The following PTGFRN variants were observed in gnomAD, a reference collection of about 807,000 sequenced individuals.
PTGFRN encodes the protein prostaglandin F2 receptor negative regulator.
In PTGFRN, 35 loss-of-function variants were observed where a neutral mutation model predicts 83.2. That is an observed-to-expected ratio of 0.42 (90% confidence interval 0.32 to 0.56). PTGFRN has a LOEUF of 0.56. Among genes scored for constraint, PTGFRN ranks in the 20% least tolerant of loss-of-function variants. The pLI, the probability that PTGFRN is intolerant of heterozygous loss-of-function variation, is 0.11. For missense variants in PTGFRN, 1,051 were observed against 1,179.5 expected, an observed-to-expected ratio of 0.89 and a Z score of 1.60; for synonymous variants, 519 against 498.6, an observed-to-expected ratio of 1.04 and a Z score of -0.55.
At chr1:116,979,236 G>A (rs1258031335) in intron 7 of PTGFRN, among the ~76,000 whole-genome samples, 1 of 152,150 alleles carries the variant, frequency 6.6e-6, no homozygotes, top group Non-Finnish European at 1.5e-5. Flanking sequence ...GAAACAAATG[G>A]AAGAACATTC....
chr1:116,961,246 C>T lies in PTGFRN; in HGVS notation c.1217C>T (p.Pro406Leu). The change falls in exon 5 of 9, where the codon CCA (proline) becomes CTA (leucine). Residue 406 changes from proline to leucine, a missense_variant. This residue lies in a region of PTGFRN where 719 missense variants were observed against 836.6 expected (regional missense o/e 0.86). Transcript: ENST00000393203. The surrounding 1 kb of genome is among the most constrained non-coding windows in gnomAD (Gnocchi z 5.4). ...GGCCTTTCTGTCTCTCGTTCAGAACCAGACTACCAGGTGTACCTGAATGCT... is the reference window on the plus strand; with the variant it reads ...GGCCTTTCTGTCTCTCGTTCAGAACTAGACTACCAGGTGTACCTGAATGCT... ...PAGVGVTWLEPDYQVYLNASK... is the reference protein window; with the variant it reads ...PAGVGVTWLELDYQVYLNASK... 6.6e-7 allele frequency: 1 copy of T among 1,505,782 alleles called. No individual in the cohort carries two copies. The highest frequency in any genetic ancestry group is 8.9e-7 in the Non-Finnish European group (1 of 1,128,538). 93.3% of individuals were successfully genotyped at this position (1,505,782 alleles called of 1,614,324 possible).
intron 7 of PTGFRN, among the ~76,000 whole-genome samples, chr1:116,980,105 A>G (rs535673286): frequency 2.0e-5 from 3 of 152,274 alleles, no homozygotes; most frequent in Admixed American, 6.5e-5. Context: ...CAACAGACAC[A>G]TGAAAAAACG....
In PTGFRN at chr1:116,958,142, G is replaced by C. The variant is rs72699122; in HGVS notation, c.1214-3101G>C. ...TGCCACTCTGAAAGAATCTGCACGG[G>C]GGTGGAAGTAAACCATTAAGGATCA... On this transcript the variant is annotated intron_variant, in intron 4 of 8. Coordinates refer to ENST00000393203, the MANE Select transcript of PTGFRN (RefSeq NM_020440.4). The surrounding 1 kb of genome is among the most constrained non-coding windows in gnomAD (Gnocchi z 4.9). Among the ~76,000 whole-genome samples the C allele has an allele frequency of 1.6e-3, 239 of 152,174 alleles. No homozygotes were observed. The highest frequency in any genetic ancestry group is 3.1e-3 in the Admixed American group (47 of 15,278).
At chr1:116,932,884 C>A (rs1296439007) in intron 1 of PTGFRN, among the ~76,000 whole-genome samples, 1 of 152,190 alleles carries the variant, frequency 6.6e-6, no homozygotes, top group African/African-American at 2.4e-5. Context: ...GGGTTTGAGT[C>A]CCTCACGTTA....
chr1:116,911,642 G>T (rs370930812), intron 1 of PTGFRN, among the ~76,000 whole-genome samples: 9 of 152,248 alleles, frequency 5.9e-5, no homozygotes, highest in Admixed American at 1.3e-4. Flanking sequence ...CCTGATCCTA[G>T]TGCTTTATTT....
At chr1:116,960,917 C>G (rs574470647) in intron 4 of PTGFRN, among the ~76,000 whole-genome samples, 118 of 152,234 alleles carry the variant, frequency 7.8e-4, no homozygotes, top group African/African-American at 2.8e-3. Context: ...TTAAGAGATT[C>G]TTCTCAGAAG....
rs143494943 is a variant in PTGFRN, at chr1:116,922,926, T to G, written c.49+12674T>G. 1.1e-4 allele frequency among the ~76,000 whole-genome samples: 16 copies of G among 152,304 alleles called. No individual in the cohort carries two copies. The East Asian group carries it at 2.3e-3, about 22-fold the overall frequency. On this transcript the variant is annotated intron_variant, in intron 1 of 8. Transcript: ENST00000393203. ...TTGGAATTATTTCCAGTTATTTGAT[T>G]CTTTGGATTTCAAGTAAAGCCTCAT...
intron 7 of PTGFRN, among the ~76,000 whole-genome samples, chr1:116,974,794 T>C (rs569328539): frequency 6.6e-6 from 1 of 152,210 alleles, no homozygotes; most frequent in Non-Finnish European, 1.5e-5. Context: ...GCTCCCAGCG[T>C]GAGCGATGCA....
chr1:116,979,814 A>G (rs1170018086), intron 7 of PTGFRN, among the ~76,000 whole-genome samples: 1 of 152,252 alleles, frequency 6.6e-6, no homozygotes, highest in Non-Finnish European at 1.5e-5. Flanking sequence ...GGCATGGGCT[A>G]GGACTTCATG....
intron 6 of PTGFRN, among the ~76,000 whole-genome samples, chr1:116,972,404 C>T (rs1651028973): frequency 6.6e-6 from 1 of 152,196 alleles, no homozygotes; most frequent in Admixed American, 6.5e-5. Context: ...CTATAACCAT[C>T]CTTTACCTTT....
intron 1 of PTGFRN, among the ~76,000 whole-genome samples, chr1:116,932,216 T>C (rs1434676380): frequency 6.6e-6 from 1 of 152,234 alleles, no homozygotes; most frequent in Non-Finnish European, 1.5e-5. Context: ...AAGTGTAGTC[T>C]TCATTGCCTT....
chr1:116,954,367 T>C (rs1334172947), intron 4 of PTGFRN, among the ~76,000 whole-genome samples: 2 of 152,034 alleles, frequency 1.3e-5, no homozygotes, highest in Non-Finnish European at 2.9e-5. Flanking sequence ...TTAATTGTTA[T>C]ACAAATGGTG....
chr1:116,938,100 A>G (rs1228674576), intron 1 of PTGFRN, among the ~76,000 whole-genome samples: 1 of 152,150 alleles, frequency 6.6e-6, no homozygotes, highest in Non-Finnish European at 1.5e-5. Context: ...TGATCACCTC[A>G]TTTCTTTGTG....
intron 7 of PTGFRN, among the ~76,000 whole-genome samples, chr1:116,980,932 C>T (rs1324416492): frequency 2.0e-5 from 3 of 152,144 alleles, no homozygotes; most frequent in South Asian, 4.1e-4. Context: ...AAATAAAGTG[C>T]TCTATAATAT....
intron 6 of PTGFRN, among the ~76,000 whole-genome samples, chr1:116,972,465 A>T (rs1336746604): frequency 6.6e-6 from 1 of 152,242 alleles, no homozygotes; most frequent in African/African-American, 2.4e-5. Flanking sequence ...AAGCAATCTG[A>T]TGAATTCATC....
chr1:116,919,661 A>G (rs1649492567), intron 1 of PTGFRN, among the ~76,000 whole-genome samples: 1 of 152,270 alleles, frequency 6.6e-6, no homozygotes, highest in Non-Finnish European at 1.5e-5. Context: ...TCACTTGCTC[A>G]GGGTCACAGT....
At chr1:116,970,479 T>C (rs1360988269) in intron 6 of PTGFRN, among the ~76,000 whole-genome samples, 1 of 152,220 alleles carries the variant, frequency 6.6e-6, no homozygotes, top group African/African-American at 2.4e-5. Context: ...ATTTGTTATT[T>C]GATCTTTCTT....
chr1:116,929,436 T>C (rs1360897219), intron 1 of PTGFRN, among the ~76,000 whole-genome samples: 1 of 152,252 alleles, frequency 6.6e-6, no homozygotes, highest in Non-Finnish European at 1.5e-5. Flanking sequence ...CGTTTTCTCG[T>C]TGATGTGCTT....
chr1:116,963,248 CTGTT>C (rs1415945127), intron 5 of PTGFRN, among the ~76,000 whole-genome samples: 1 of 152,222 alleles, frequency 6.6e-6, no homozygotes, highest in Non-Finnish European at 1.5e-5. Flanking sequence ...TTTCCTTAGT[CTGTT>C]TATTTCCCCA....
Sources: gnomAD v4.1 joint callset for allele counts (sites outside exome capture counted in the v4.1 genomes callset) on GRCh38, gnomAD v4.1.1 for gene constraint, gnomAD v4.1.1 regional missense constraint, Gnocchi (gnomAD v3.1) non-coding constraint, MANE v1.5 for transcripts, NCBI Gene and HGNC (gene_info 2026-07-23, HGNC 2026-07-21) for gene names.